PPP1R17: variants seen among roughly 807,000 people sequenced by gnomAD.
PPP1R17 encodes the protein protein phosphatase 1 regulatory subunit 17, also known as G-substrate.
In PPP1R17, 12 loss-of-function variants were observed where a neutral mutation model predicts 15.9. The ratio of observed to expected loss-of-function variants is 0.75; its 90% confidence interval spans 0.48 to 1.22. The LOEUF (loss-of-function observed/expected upper bound fraction) is 1.22, where lower values mean the gene tolerates loss of function less well. PPP1R17 is among the 50% of genes most tolerant of loss of function. The pLI is 0.00. For missense variants in PPP1R17, 211 were observed against 187.3 expected (o/e 1.13, Z -0.74); for synonymous variants, 63 against 64.5 (o/e 0.98, Z 0.11).
chr7:31,698,759 G>C (rs1412927594), intron 4 of PPP1R17, among the ~76,000 whole-genome samples: 1 of 152,206 alleles, frequency 6.6e-6, no homozygotes, highest in Non-Finnish European at 1.5e-5. Flanking sequence ...AATCTAGTTA[G>C]ATGAAGAATG....
intron 1 of PPP1R17, among the ~76,000 whole-genome samples, chr7:31,691,577 C>T (rs368790909): frequency 1.1e-4 from 17 of 151,976 alleles, no homozygotes; most frequent in East Asian, 1.9e-4. Flanking sequence ...TGCTCCTGGG[C>T]GACAGCTATA....
chr7:31,694,387 A>ACACACACACACACACACACAC (rs1792484261), intron 2 of PPP1R17, among the ~76,000 whole-genome samples: 5 of 141,596 alleles, frequency 3.5e-5, no homozygotes, highest in African/African-American at 1.1e-4. Flanking sequence ...CTCTCTCTCA[A>ACACACACACACACACACACAC]ACACACACAC....
At chr7:31,687,510 A>G (rs545602995) in intron 1 of PPP1R17, among the ~76,000 whole-genome samples, 5 of 152,320 alleles carry the variant, frequency 3.3e-5, no homozygotes, top group South Asian at 2.1e-4. Context: ...TCTGTAAAAG[A>G]CTGAACCCTC....
At chr7:31,703,776 A>C (rs1160395061) in intron 4 of PPP1R17, among the ~76,000 whole-genome samples, 1 of 152,192 alleles carries the variant, frequency 6.6e-6, no homozygotes, top group African/African-American at 2.4e-5. Flanking sequence ...TGAAAACTGG[A>C]CAAGGATCCA....
intron 4 of PPP1R17, among the ~76,000 whole-genome samples, chr7:31,701,077 A>C (rs1792829613): frequency 6.6e-6 from 1 of 152,292 alleles, no homozygotes; most frequent in East Asian, 1.9e-4. Flanking sequence ...TTGTTACTTA[A>C]GAAATACATG....
At chr7:31,690,863 GGAAT>G (rs1325092457) in intron 1 of PPP1R17, among the ~76,000 whole-genome samples, 2 of 152,106 alleles carry the variant, frequency 1.3e-5, no homozygotes, top group African/African-American at 4.8e-5. Context: ...CTTCTTCTGA[GGAAT>G]GAATATTTTC....
intron 1 of PPP1R17, among the ~76,000 whole-genome samples, chr7:31,689,437 C>A (rs1171695115): frequency 6.6e-6 from 1 of 152,094 alleles, no homozygotes; most frequent in Admixed American, 6.5e-5. Context: ...ATGATGAAAC[C>A]TTCCCTGGGC....
At chr7:31,694,350 C>T (rs902596936) in intron 2 of PPP1R17, among the ~76,000 whole-genome samples, 13 of 145,224 alleles carry the variant, frequency 9.0e-5, no homozygotes, top group Admixed American at 4.1e-4. Context: ...AGATGCTTTG[C>T]AAACATTAAC....
intron 4 of PPP1R17, among the ~76,000 whole-genome samples, chr7:31,698,469 C>G (rs532575001): frequency 1.4e-4 from 22 of 152,314 alleles, no homozygotes; most frequent in Admixed American, 7.2e-4. Context: ...ACAACTCTCC[C>G]TCAGTTTCTT....
chr7:31,691,690 G>A (rs1792349625), intron 1 of PPP1R17, among the ~76,000 whole-genome samples: 1 of 147,676 alleles, frequency 6.8e-6, no homozygotes, highest in Non-Finnish European at 1.5e-5. Context: ...AGAAAATAAA[G>A]ATCTATCCAA....
At chr7:31,687,725 C>G (rs955627901) in intron 1 of PPP1R17, among the ~76,000 whole-genome samples, 1 of 152,146 alleles carries the variant, frequency 6.6e-6, no homozygotes, top group Admixed American at 6.5e-5. Flanking sequence ...TTTTAAAAGA[C>G]GGTACTTTTT....
chr7:31,688,885 A>G (rs1197843081), intron 1 of PPP1R17, among the ~76,000 whole-genome samples: 1 of 152,226 alleles, frequency 6.6e-6, no homozygotes, highest in African/African-American at 2.4e-5. Flanking sequence ...TCATTCTCTA[A>G]TTAAGAAATC....
In PPP1R17 at chr7:31,692,409, T is replaced by G; in HGVS notation, c.-33T>G. The stretch of plus-strand genomic sequence containing the variant: ...ACTGTTTTTTATACTTCCTTAGTGC[T>G]GGAGAAGAAATACATCCACCCACCC... On this transcript the variant is annotated 5_prime_UTR_variant, in exon 2 of 5. Coordinates refer to ENST00000342032, the MANE Select transcript of PPP1R17 (RefSeq NM_006658.5). 1 of 1,522,476 alleles carries G rather than the reference T, an allele frequency of 6.6e-7. No homozygotes were observed. Among genetic ancestry groups the G allele is most frequent in the Non-Finnish European group, 9.1e-7 (1 of 1,098,138 alleles). The allele number at this position is 1,522,476 out of a possible 1,614,324, so 94.3% of individuals were successfully genotyped here.
chr7:31,698,802 G>A (rs544069477), intron 4 of PPP1R17, among the ~76,000 whole-genome samples: 2 of 152,288 alleles, frequency 1.3e-5, no homozygotes, highest in South Asian at 2.1e-4. Flanking sequence ...GATTTCCAAG[G>A]TGCACAGGAA....
At chr7:31,705,714 A>G (rs560020590) in intron 4 of PPP1R17, among the ~76,000 whole-genome samples, 67 of 152,186 alleles carry the variant, frequency 4.4e-4, no homozygotes, top group African/African-American at 1.5e-3. Flanking sequence ...TCAAGTGTAG[A>G]TCTTTATGAA....
At chr7:31,692,318 G>C in intron 1 of PPP1R17, 88 bp from the exon 2 acceptor site, 1 of 753,726 alleles carries the variant, frequency 1.3e-6, no homozygotes, top group Non-Finnish European at 2.2e-6. Flanking sequence ...ACAATAGCAG[G>C]TGCTCAACAA....
At chr7:31,694,330 C>A (rs1792477858) in intron 2 of PPP1R17, among the ~76,000 whole-genome samples, 1 of 150,478 alleles carries the variant, frequency 6.6e-6, no homozygotes, top group South Asian at 2.1e-4. Context: ...TGAAGTATAT[C>A]AACTGTATCA....
intron 1 of PPP1R17, among the ~76,000 whole-genome samples, chr7:31,688,980 A>AT (rs964827855): frequency 3.9e-4 from 59 of 152,328 alleles, no homozygotes; most frequent in African/African-American, 1.4e-3. Context: ...AAGAATGTGA[A>AT]TTTTTTGTGG....
chr7:31,702,806 T>C (rs1792909617), intron 4 of PPP1R17, among the ~76,000 whole-genome samples: 1 of 152,224 alleles, frequency 6.6e-6, no homozygotes, highest in Non-Finnish European at 1.5e-5. Flanking sequence ...GCTGGTTTGA[T>C]GTTTTATCTG....
Sources: gnomAD v4.1 joint callset for allele counts (sites outside exome capture counted in the v4.1 genomes callset) on GRCh38, gnomAD v4.1.1 for gene constraint, MANE v1.5 for transcripts, NCBI Gene and HGNC (gene_info 2026-07-23, HGNC 2026-07-21) for gene names.